Variants in RTEL1 observed in about 807,000 individuals in gnomAD.
The protein encoded by RTEL1 is regulator of telomere elongation helicase 1.
Under a neutral mutation model 162.2 loss-of-function variants are expected in RTEL1, and 86 were observed. The observed-to-expected ratio is 0.53, with a 90% CI of 0.45 to 0.63. The LOEUF (loss-of-function observed/expected upper bound fraction) is 0.63. RTEL1 is among the 30% of genes least tolerant of loss of function. The pLI, the probability that RTEL1 is intolerant of heterozygous loss-of-function variation, is 0.00. For missense variants in RTEL1, 1,941 were observed against 1,750.2 expected (o/e 1.11, Z -1.95); for synonymous variants, 958 against 717.9 (o/e 1.33, Z -5.35).
intron 14 of RTEL1, among the ~76,000 whole-genome samples, chr20:63,684,793 C>T (rs1045699390): frequency 1.3e-5 from 2 of 151,956 alleles, no homozygotes; most frequent in Non-Finnish European, 2.9e-5. Context: ...TTGAAACCTG[C>T]CCTGACGTTT....
chr20:63,692,117 G>A (rs2090761414), intron 28 of RTEL1: 3 of 407,414 alleles, frequency 7.4e-6, no homozygotes, highest in African/African-American at 2.1e-5. Context: ...CTCAAGTGTG[G>A]ATGCACACCT....
At chr20:63,660,576 G>A (rs1311492501) in intron 2 of RTEL1, 1 of 152,480 alleles carries the variant, frequency 6.6e-6, no homozygotes, top group Non-Finnish European at 1.5e-5. Flanking sequence ...CAGCATCTTA[G>A]GGCAAAGCAA....
At position 63,670,726 on chromosome 20, in the gene RTEL1, G is replaced by A. The variant is rs532158789; in HGVS notation, c.700-1830G>A. On this transcript the variant is annotated intron_variant, in intron 8 of 34. Coordinates refer to ENST00000360203, the MANE Select transcript of RTEL1 (RefSeq NM_001283009.2). ...TGGCCAGGCTCAGTGGCTCACGCCT[G>A]TAATCCCAGAACTTTAGGGGCCAAG... is the stretch of plus-strand genomic sequence containing the variant. Among the ~76,000 whole-genome samples, 13 of 151,918 alleles carry A rather than the reference G, an allele frequency of 8.6e-5. No homozygotes were observed. In the South Asian group the frequency reaches 2.1e-3, roughly 24 times the overall value.
intron 10 of RTEL1, among the ~76,000 whole-genome samples, chr20:63,674,837 A>G (rs8124478): frequency 0.25 from 38,212 of 152,050 alleles, 5,360 homozygotes; most frequent in South Asian, 0.36. Context: ...ATTTCCACAC[A>G]GCGCTAGTCA....
intron 28 of RTEL1, 185 bp from the exon 29 acceptor site, chr20:63,692,620 A>G: frequency 3.2e-6 from 2 of 619,740 alleles, no homozygotes; most frequent in Non-Finnish European, 5.7e-6. Context: ...AGACGGGCCC[A>G]GCCCCACAGC....
At position 63,661,365 on chromosome 20, in the gene RTEL1, T is replaced by G; in HGVS notation, c.170T>G (p.Leu57Arg). The G allele has an allele frequency of 6.2e-7, 1 of 1,613,662 alleles. No homozygotes were observed. The highest frequency in any genetic ancestry group is 8.5e-7 in the Non-Finnish European group (1 of 1,180,018). The change falls in exon 3 of 35, where the codon CTG (leucine) becomes CGG (arginine). Residue 57 changes from leucine (L) to arginine (R), a missense_variant. Physicochemically the swap from Leu to Arg is moderately radical, Grantham distance 102. Transcript: ENST00000360203. This position sits in a 1 kb window ranked among gnomAD's most constrained non-coding sequence, Gnocchi z 5.1. ...ACGCTGTGCCTGCTGTGCACCACGC[T>G]GGCCTGGCGAGAACACCTCCGAGAC... ...GKTLCLLCTT[L>R]AWREHLRDGI...
intron 6 of RTEL1, among the ~76,000 whole-genome samples, chr20:63,664,319 G>T (rs896958732): frequency 6.6e-6 from 1 of 152,218 alleles, no homozygotes; most frequent in East Asian, 1.9e-4. Context: ...CCCATGCAGC[G>T]GGGGTCCTTG....
At chr20:63,658,653 G>C (rs899640384) in intron 1 of RTEL1, 187 bp downstream of exon 1, 1 of 152,350 alleles carries the variant, frequency 6.6e-6, no homozygotes, top group African/African-American at 2.4e-5. Context: ...CGCGGCGTTG[G>C]CTGAGCCCTT....
At chr20:63,667,256 C>T (rs1028026766) in intron 7 of RTEL1, among the ~76,000 whole-genome samples, 4 of 152,074 alleles carry the variant, frequency 2.6e-5, no homozygotes, top group Non-Finnish European at 4.4e-5. Context: ...CGGAAACTCA[C>T]GAGGACTCCC....
At chr20:63,678,021 C>T (rs2090390571) in intron 10 of RTEL1, 124 bp from the exon 11 acceptor site, 13 of 1,107,734 alleles carry the variant, frequency 1.2e-5, no homozygotes, top group Middle Eastern at 1.9e-4. Context: ...TGCATGGATT[C>T]TGTGTGGCCT....
At chr20:63,658,924 C>T (rs939720814) in intron 1 of RTEL1, among the ~76,000 whole-genome samples, 24 of 152,342 alleles carry the variant, frequency 1.6e-4, no homozygotes, top group African/African-American at 5.5e-4. Flanking sequence ...TCTGACGTTG[C>T]GCCTGGTGAG....
At position 63,695,214 on chromosome 20, in the gene RTEL1, C is replaced by T. The variant is rs1378018948; in HGVS notation, c.3492C>T (p.Pro1164=). 2 of 1,611,680 alleles carry T rather than the reference C, an allele frequency of 1.2e-6. No individual in the cohort carries two copies. The highest frequency in any genetic ancestry group is 2.2e-5 in the South Asian group (2 of 91,056). Residue 1164 remains proline, a synonymous_variant, in exon 33 of 35, where the codon CCC becomes CCT. Coordinates refer to ENST00000360203, the MANE Select transcript of RTEL1 (RefSeq NM_001283009.2). Reference sequence around the variant, plus strand: ...CTCCTGTGCTTACCCACAGGGCTCCCCAACCAGGTAGGGCACCTGCCTGGC... The same window carrying T: ...CTCCTGTGCTTACCCACAGGGCTCCTCAACCAGGTAGGGCACCTGCCTGGC... ...AVPPVLTHRA[P]QPGPSRSEKT...
intron 2 of RTEL1, 30 bp downstream of exon 2, chr20:63,659,534 C>A: frequency 6.5e-7 from 1 of 1,527,992 alleles, no homozygotes; most frequent in Non-Finnish European, 9.1e-7. Flanking sequence ...GAAAGGACTG[C>A]GGGTGGGTGG....
intron 8 of RTEL1, among the ~76,000 whole-genome samples, chr20:63,667,828 C>T (rs2090166048): frequency 6.6e-6 from 1 of 152,068 alleles, no homozygotes; most frequent in South Asian, 2.1e-4. Flanking sequence ...AGTGCCCGCT[C>T]TTGATCCTGA....
Position 63,694,508 on chromosome 20 carries a change from T to C in RTEL1, c.3109+20T>C. On this transcript the variant is annotated intron_variant, in intron 31 of 34. Coordinates refer to ENST00000360203, the MANE Select transcript of RTEL1 (RefSeq NM_001283009.2). The stretch of plus-strand genomic sequence containing the variant: ...CAACAGGTAGCTGACTCCTGAACCG[T>C]GTGCAGCCTACGACTTGGTGGGTCC... 2 of 1,557,610 alleles carry C rather than the reference T, an allele frequency of 1.3e-6. No individual in the cohort carries two copies. Among genetic ancestry groups the C allele is most frequent in the Non-Finnish European group, 1.8e-6 (2 of 1,135,346 alleles).
At chr20:63,664,461 G>A (rs938392980) in intron 6 of RTEL1, among the ~76,000 whole-genome samples, 1 of 152,042 alleles carries the variant, frequency 6.6e-6, no homozygotes, top group African/African-American at 2.4e-5. Context: ...CTGGGCCTGG[G>A]ACCTGGTGGG....
Position 63,694,951 on chromosome 20 carries a change from C to T in RTEL1, c.3320C>T (p.Pro1107Leu), listed in dbSNP as rs115264605. Reference sequence around the variant, plus strand: ...TTGGCCGCCCTGACCACTGCAAAGCCAGAGGACTTCCCCCTGCTGCACAGC... The same window carrying T: ...TTGGCCGCCCTGACCACTGCAAAGCTAGAGGACTTCCCCCTGCTGCACAGC... ...AVLAALTTAK[P>L]EDFPLLHRFS... The change falls in exon 32 of 35, where the codon CCA (proline) becomes CTA (leucine). Residue 1107 changes from proline to leucine, a missense_variant. By Grantham distance (98) the Pro-to-Leu change is moderately conservative. Transcript: ENST00000360203. 20 of 1,612,420 alleles carry T rather than the reference C, an allele frequency of 1.2e-5. No individual in the cohort carries two copies. The highest frequency in any genetic ancestry group is 1.7e-5 in the Non-Finnish European group (20 of 1,179,866).
chr20:63,695,167 CAGG>C lies in RTEL1; in HGVS notation c.3451_3453del (p.Glu1151del), dbSNP rs777014655. 6.2e-6 allele frequency: 10 copies of C among 1,612,438 alleles called. No homozygotes were observed. The highest frequency in any genetic ancestry group is 2.2e-5 in the South Asian group (2 of 91,086). The stretch of plus-strand genomic sequence containing the variant: ...CCCGGGCATGGAGCCACCGGGACCC[CAGG>C]AGGAGAGGCTTGCCGTGCCTCCTGT... On this transcript the variant is annotated inframe_deletion, in exon 33 of 35. Transcript: ENST00000360203.
At chr20:63,683,801 T>G (rs188440215) in intron 14 of RTEL1, among the ~76,000 whole-genome samples, 240 of 152,292 alleles carry the variant, frequency 1.6e-3, no homozygotes, top group African/African-American at 5.3e-3. Context: ...CCTCTCCTAG[T>G]GCAGGCATCA....
Sources: gnomAD v4.1 joint callset for allele counts (sites outside exome capture counted in the v4.1 genomes callset) on GRCh38, gnomAD v4.1.1 for gene constraint, Gnocchi (gnomAD v3.1) non-coding constraint, MANE v1.5 for transcripts, NCBI Gene and HGNC (gene_info 2026-07-23, HGNC 2026-07-21) for gene names.